Variants in FBXO11 observed in about 807,000 individuals in gnomAD.
FBXO11 encodes F-box only protein 11.
Under a neutral mutation model 117.0 loss-of-function variants are expected in FBXO11, and 13 were observed. That is an observed-to-expected ratio of 0.11 (90% CI 0.07 to 0.18). The LOEUF is 0.18. Ranked by LOEUF, FBXO11 falls within the 10% of genes least tolerant of loss-of-function variation. FBXO11 has a pLI of 1.00. For missense variants in FBXO11, 767 were observed against 1,164.4 expected, an observed-to-expected ratio of 0.66 and a Z score of 4.97; for synonymous variants, 490 against 380.5, an observed-to-expected ratio of 1.29 and a Z score of -3.35.
intron 1 of FBXO11, among the ~76,000 whole-genome samples, chr2:47,899,587 G>A (rs903981510): frequency 3.3e-5 from 5 of 152,116 alleles, no homozygotes; most frequent in Non-Finnish European, 5.9e-5. Flanking sequence ...TGTGTAGTCA[G>A]GATTAGAACC....
rs1670246946 is a variant in FBXO11 at position 47,806,948 on chromosome 2, A to AAATGACCATTTTTCCATTTTCTTTC, written c.*1145_*1169dup. 3.9e-6 allele frequency: 4 copies of AAATGACCATTTTTCCATTTTCTTTC among 1,026,782 alleles called. No individual in the cohort carries two copies. The highest frequency in any genetic ancestry group is 6.0e-6 in the Non-Finnish European group (4 of 668,090). 63.6% of individuals were successfully genotyped at this position (1,026,782 alleles called of 1,614,324 possible). A position where few individuals can be genotyped will look rare whatever the true frequency, so the allele number is the denominator to read the frequency against. On this transcript the variant is annotated 3_prime_UTR_variant, in exon 23 of 23. Transcript: ENST00000403359. Reference sequence around the variant, plus strand: ...TGATCTAATAAACTTTATTTTTTAAAAATGACCATTTTTCCATTTTCTTTC... The same window carrying AAATGACCATTTTTCCATTTTCTTTC: ...TGATCTAATAAACTTTATTTTTTAAAAATGACCATTTTTCCATTTTCTTTCAATGACCATTTTTCCATTTTCTTTC...
intron 13 of FBXO11, 147 bp downstream of exon 13, chr2:47,822,071 G>A (rs546991389): frequency 6.4e-6 from 4 of 625,690 alleles, no homozygotes; most frequent in African/African-American, 3.8e-5. Context: ...GCACAAGAGA[G>A]TAAGACCTCA....
chr2:47,807,984 G>A lies in FBXO11; in HGVS notation c.*134C>T, dbSNP rs1572753320. 2.5e-6 allele frequency: 2 copies of A among 787,168 alleles called. No individual in the cohort carries two copies. The highest frequency in any genetic ancestry group is 4.1e-6 in the Non-Finnish European group (2 of 493,532). 48.8% of individuals were successfully genotyped at this position (787,168 alleles called of 1,614,324 possible). ...TTTTTGGTAGCTTGAGCTTCATAGT[G>A]TCAACTGACCTTGTGTATCCATTTT... On this transcript the variant is annotated 3_prime_UTR_variant, in exon 23 of 23. Transcript: ENST00000403359.
intron 1 of FBXO11, among the ~76,000 whole-genome samples, chr2:47,883,173 T>C (rs1231022699): frequency 6.6e-6 from 1 of 152,204 alleles, no homozygotes; most frequent in Non-Finnish European, 1.5e-5. Context: ...TTCTTTGTGT[T>C]TGGGAAGTTT....
chr2:47,892,531 G>T lies in FBXO11; in HGVS notation c.232+12958C>A, dbSNP rs73929248. Reference sequence around the variant, plus strand: ...AGCTACAAGGTTCTCACATGATGCAGAAATAGAGTACAGGTTTCCTCTGAC... The same window carrying T: ...AGCTACAAGGTTCTCACATGATGCATAAATAGAGTACAGGTTTCCTCTGAC... On this transcript the variant is annotated intron_variant, in intron 1 of 22. Transcript: ENST00000403359. Among the ~76,000 whole-genome samples the T allele has an allele frequency of 5.8e-3, 880 of 152,282 alleles. 8 individuals carry two copies. The highest frequency in any genetic ancestry group is 0.02 in the African/African-American group (820 of 41,556).
At chr2:47,821,738 T>C (rs979625248) in intron 13 of FBXO11, among the ~76,000 whole-genome samples, 8 of 152,018 alleles carry the variant, frequency 5.3e-5, no homozygotes, top group Non-Finnish European at 7.4e-5. Context: ...TGAGGTGAGA[T>C]TGTGTCACTG....
At chr2:47,837,024 C>T (rs1414502965) in intron 4 of FBXO11, 8 of 256,676 alleles carry the variant, frequency 3.1e-5, no homozygotes, top group Non-Finnish European at 5.5e-5. Flanking sequence ...AGGCGTGAGC[C>T]ACTTCGCCTA....
chr2:47,890,559 C>T (rs992276719), intron 1 of FBXO11, among the ~76,000 whole-genome samples: 1 of 152,070 alleles, frequency 6.6e-6, no homozygotes, highest in Non-Finnish European at 1.5e-5. Context: ...AATCCCAGCA[C>T]TCAGGAGGCC....
chr2:47,855,841 C>CAA lies in FBXO11; in HGVS notation c.233-16074_233-16073dup, dbSNP rs550640017. ...GAGCGAAACTCCATCTCAAACAGTT[C>CAA]AAAAAAAAAAAAAGGAATGTTGCCT... is the stretch of plus-strand genomic sequence containing the variant. On this transcript the variant is annotated intron_variant, in intron 1 of 22. Transcript: ENST00000403359. Among the ~76,000 whole-genome samples, 295 of 105,416 alleles carry CAA rather than the reference C, an allele frequency of 2.8e-3. 1 individual carries two copies. The highest frequency in any genetic ancestry group is 9.2e-3 in the African/African-American group (255 of 27,822). 69.2% of individuals were successfully genotyped at this position (105,416 alleles called of 152,430 possible).
intron 11 of FBXO11, among the ~76,000 whole-genome samples, chr2:47,825,889 T>G (rs1671718553): frequency 6.6e-6 from 1 of 151,982 alleles, no homozygotes; most frequent in African/African-American, 2.4e-5. Flanking sequence ...CAAATCTGAC[T>G]GGTAAACTTT....
At chr2:47,885,258 A>C (rs183989991) in intron 1 of FBXO11, among the ~76,000 whole-genome samples, 2 of 152,278 alleles carry the variant, frequency 1.3e-5, no homozygotes, top group East Asian at 3.9e-4. Context: ...TACAGTGTCA[A>C]AAAAAAGAAA....
intron 1 of FBXO11, among the ~76,000 whole-genome samples, chr2:47,878,958 T>C (rs1045600210): frequency 1.4e-5 from 2 of 145,662 alleles, no homozygotes; most frequent in African/African-American, 2.6e-5. Context: ...CAAGCGAAAC[T>C]CTGTCTCAAA....
chr2:47,867,441 C>T (rs1675279541), intron 1 of FBXO11, among the ~76,000 whole-genome samples: 1 of 152,212 alleles, frequency 6.6e-6, no homozygotes, highest in African/African-American at 2.4e-5. Context: ...CCATTCACAA[C>T]TCTTTGGTCA....
intron 1 of FBXO11, among the ~76,000 whole-genome samples, chr2:47,903,126 A>T (rs920866469): frequency 3.3e-5 from 5 of 152,156 alleles, no homozygotes; most frequent in African/African-American, 4.8e-5. Context: ...TCGGACATTT[A>T]AAAAAACGTA....
chr2:47,902,517 T>C (rs1016361708), intron 1 of FBXO11, among the ~76,000 whole-genome samples: 3 of 152,058 alleles, frequency 2.0e-5, no homozygotes, highest in Non-Finnish European at 4.4e-5. Flanking sequence ...AAAGCGTATA[T>C]ACACACACAC....
At chr2:47,866,123 A>C (rs1272480474) in intron 1 of FBXO11, among the ~76,000 whole-genome samples, 1 of 151,756 alleles carries the variant, frequency 6.6e-6, no homozygotes, top group African/African-American at 2.4e-5. Context: ...GTGGCACACA[A>C]CTGTAGCAGC....
At chr2:47,885,449 C>T (rs55690709) in intron 1 of FBXO11, among the ~76,000 whole-genome samples, 1 of 152,040 alleles carries the variant, frequency 6.6e-6, no homozygotes, top group African/African-American at 2.4e-5. Flanking sequence ...GTGGTGTATG[C>T]CTGTAATCCC....
chr2:47,829,086 T>C (rs1352127073), intron 11 of FBXO11, among the ~76,000 whole-genome samples: 1 of 151,886 alleles, frequency 6.6e-6, no homozygotes, highest in Non-Finnish European at 1.5e-5. Context: ...CACGAGGCAG[T>C]GTTTCGCAGT....
chr2:47,824,454 C>T (rs773673195), intron 11 of FBXO11, among the ~76,000 whole-genome samples: 9 of 152,018 alleles, frequency 5.9e-5, no homozygotes, highest in South Asian at 2.1e-4. Flanking sequence ...ATCACACCAT[C>T]GCACTCCAGC....
Sources: allele counts gnomAD v4.1 joint callset (sites outside exome capture counted in the v4.1 genomes callset), GRCh38; gene constraint gnomAD v4.1.1; transcripts MANE v1.5; gene names NCBI Gene and HGNC (gene_info 2026-07-23, HGNC 2026-07-21).